The following NTN5 variants were observed in gnomAD, a reference collection of about 807,000 sequenced individuals.
NTN5 encodes the protein netrin 5.
NTN5 carries 42 observed loss-of-function variants against 38.7 expected under a neutral mutation model. That is an observed-to-expected ratio of 1.08 (90% CI 0.85 to 1.40). The LOEUF (loss-of-function observed/expected upper bound fraction) is 1.40. Ranked by LOEUF, NTN5 falls within the 40% of genes most tolerant of loss-of-function variation. NTN5 has a pLI of 0.00. For synonymous variants in NTN5, 329 were observed against 303.9 expected (o/e 1.08, Z -0.86); for missense variants, 658 against 716.5 (o/e 0.92, Z 0.93).
At chr19:48,670,239 G>C (rs2031918137) in intron 2 of NTN5, 117 bp downstream of exon 2, 2 of 1,103,522 alleles carry the variant, frequency 1.8e-6, no homozygotes, top group East Asian at 3.1e-5. Context: ...TGAGACTGGG[G>C]TGAGAGGCAA....
At chr19:48,664,108 T>C in intron 4 of NTN5, 35 bp downstream of exon 4, 1 of 1,577,850 alleles carries the variant, frequency 6.3e-7, no homozygotes, top group Non-Finnish European at 8.6e-7. Context: ...CTTCCCGCTC[T>C]ACTCAGGCTT....
Position 48,661,785 on chromosome 19 carries a change from T to C in NTN5, c.1362A>G (p.Pro454=). ...LILDRHGLAL[P]WRPRWARPLK... is the part of the protein sequence containing the mutation. ...GGGGCCGGGCCCAGCGCGGCCTCCA[T>C]GGCAGCGCGAGGCCGTGGCGGTCGA... The change falls in exon 7 of 7, where the codon CCA becomes CCG. Residue 454 remains proline (P), a synonymous_variant. Coordinates refer to ENST00000270235, the MANE Select transcript of NTN5 (RefSeq NM_145807.4). 1 of 1,405,876 alleles carries C rather than the reference T, an allele frequency of 7.1e-7. No homozygotes were observed. The highest frequency in any genetic ancestry group is 9.2e-7 in the Non-Finnish European group (1 of 1,089,584). The allele number at this position is 1,405,876 out of a possible 1,614,324, so 87.1% of individuals were successfully genotyped here.
At chr19:48,671,191 A>T (rs1465263030) in intron 1 of NTN5, among the ~76,000 whole-genome samples, 185 bp from the exon 2 acceptor site, 1 of 152,150 alleles carries the variant, frequency 6.6e-6, no homozygotes, top group East Asian at 1.9e-4. Context: ...AAGGGGAAAG[A>T]ACGCAGACAA....
chr19:48,671,329 G>T (rs1003962408), intron 1 of NTN5, among the ~76,000 whole-genome samples: 8 of 151,426 alleles, frequency 5.3e-5, no homozygotes, highest in Non-Finnish European at 8.8e-5. Context: ...GCCAGCAGAC[G>T]TGGAAACCTA....
rs1255437973 is a variant in NTN5, at chr19:48,661,700, G to C, written c.1447C>G (p.Pro483Ala). ...GTCTAGTGCTCCGGCCTGGGACTGG[G>C]TGTGGGTGCCCGCACGCCGCGGCAG... is the stretch of plus-strand genomic sequence containing the variant. ...GGCRGVRAPT[P>A]SPRPEH is the part of the protein sequence containing the mutation. The change falls in exon 7 of 7, where the codon CCC becomes GCC. Residue 483 changes from proline (P) to alanine (A), a missense_variant. Pro to Ala is a conservative substitution (Grantham distance 27). Transcript: ENST00000270235. The C allele has an allele frequency of 6.4e-7, 1 of 1,557,072 alleles. No homozygotes were observed. The highest frequency in any genetic ancestry group is 1.1e-5 in the South Asian group (1 of 87,326).
chr19:48,667,432 C>T (rs2031734449), intron 2 of NTN5: 1 of 399,496 alleles, frequency 2.5e-6, no homozygotes, highest in Admixed American at 2.8e-5. Flanking sequence ...CTGTCCAGGC[C>T]CAGGATGAAG....
rs184223343 is a variant in NTN5 at position 48,667,295 on chromosome 19, C to A, written c.632-2528G>T. The A allele has an allele frequency of 2.9e-4, 75 of 262,420 alleles. 1 individual carries two copies. Among genetic ancestry groups the A allele is most frequent in the Admixed American group, 2.5e-3 (57 of 22,938 alleles). 16.3% of individuals were successfully genotyped at this position (262,420 alleles called of 1,614,324 possible). A position where few individuals can be genotyped will look rare whatever the true frequency, so the allele number is the denominator to read the frequency against. ...ATAGCTCTGCCACAGGCATTAGTCT[C>A]ACCTGGCCACCCTGACCTTTCTCCA... On this transcript the variant is annotated intron_variant, in intron 2 of 6. Transcript: ENST00000270235.
intron 2 of NTN5, among the ~76,000 whole-genome samples, chr19:48,668,299 G>A (rs2031758973): frequency 6.6e-6 from 1 of 152,148 alleles, no homozygotes; most frequent in South Asian, 2.1e-4. Flanking sequence ...ACTTTGGCAG[G>A]TGCTCAGGAA....
At chr19:48,666,472 G>A (rs2031706303) in intron 2 of NTN5, among the ~76,000 whole-genome samples, 1 of 151,840 alleles carries the variant, frequency 6.6e-6, no homozygotes, top group South Asian at 2.1e-4. Context: ...GGAGTTGGAG[G>A]CTGCAGTGAG....
chr19:48,667,109 G>A (rs1415063144), intron 2 of NTN5, among the ~76,000 whole-genome samples: 1 of 152,132 alleles, frequency 6.6e-6, no homozygotes, highest in Non-Finnish European at 1.5e-5. Flanking sequence ...CTCTCCCAGG[G>A]TTTTTGTGGG....
At chr19:48,663,891 C>T in intron 4 of NTN5, 77 bp from the exon 5 acceptor site, 2 of 1,408,852 alleles carry the variant, frequency 1.4e-6, no homozygotes, top group Non-Finnish European at 2.0e-6. Context: ...GGAATCCAGG[C>T]ACCCAAACTC....
intron 1 of NTN5, among the ~76,000 whole-genome samples, chr19:48,671,944 A>G (rs1396202121): frequency 6.6e-6 from 1 of 151,992 alleles, no homozygotes; most frequent in Admixed American, 6.6e-5. Context: ...GGAGCGGGAC[A>G]GTGGGATCCC....
rs371501834 is a variant in NTN5, at chr19:48,664,700, G to A, written c.699C>T (p.Gly233=). Residue 233 remains glycine, a synonymous_variant, in exon 3 of 7, where the codon GGC becomes GGT. Transcript: ENST00000270235. ...FNSELFRLSG[G]RSGGVCERCR... is the part of the protein sequence containing the mutation. ...ACCGCTCACAAACACCCCCACTCCG[G>A]CCGCCCGACAGTCTGAACAGCTCAG... 995 of 1,605,232 alleles carry A rather than the reference G, an allele frequency of 6.2e-4. 1 individual carries two copies. Among genetic ancestry groups the A allele is most frequent in the Non-Finnish European group, 8.1e-4 (958 of 1,176,212 alleles).
At chr19:48,670,223 C>T (rs2031917755) in intron 2 of NTN5, 133 bp downstream of exon 2, 9 of 944,038 alleles carry the variant, frequency 9.5e-6, no homozygotes, top group Non-Finnish European at 1.2e-5. Flanking sequence ...ATGAGGGGAC[C>T]GAGTCTGAGA....
chr19:48,671,581 TG>T (rs1458831941), intron 1 of NTN5, among the ~76,000 whole-genome samples: 5 of 150,240 alleles, frequency 3.3e-5, no homozygotes, highest in Non-Finnish European at 7.4e-5. Flanking sequence ...TCGGACTGCC[TG>T]GGGGCTGGGA....
chr19:48,663,444 C>CT lies in NTN5; in HGVS notation c.1105+18dup. On this transcript the variant is annotated intron_variant, in intron 6 of 6. Coordinates refer to ENST00000270235, the MANE Select transcript of NTN5 (RefSeq NM_145807.4). ...AACCAGCTGTGTAGCCTTCAGCTGT[C>CT]TGTCTCCCCAGCACTCACCATGGTC... The CT allele has an allele frequency of 6.2e-7, 1 of 1,608,962 alleles. No homozygotes were observed. The highest frequency in any genetic ancestry group is 8.5e-7 in the Non-Finnish European group (1 of 1,175,334).
In NTN5 at chr19:48,661,548, C is replaced by T; in HGVS notation, c.*129G>A. On this transcript the variant is annotated 3_prime_UTR_variant, in exon 7 of 7. Coordinates refer to ENST00000270235, the MANE Select transcript of NTN5 (RefSeq NM_145807.4). ...TCCGCACGCCTGCTCGGCGTGGGCG[C>T]AAGCATAGTGTCGTCGGGGCTCTGC... is the stretch of plus-strand genomic sequence containing the variant. The T allele has an allele frequency of 1.7e-6, 2 of 1,153,048 alleles. No individual in the cohort carries two copies. Among genetic ancestry groups the T allele is most frequent in the Non-Finnish European group, 2.2e-6 (2 of 896,058 alleles). 71.4% of individuals were successfully genotyped at this position (1,153,048 alleles called of 1,614,324 possible). A position where few individuals can be genotyped will look rare whatever the true frequency, so the allele number is the denominator to read the frequency against.
chr19:48,672,778 C>G lies in NTN5; in HGVS notation c.-21+154G>C, dbSNP rs571761522. On this transcript the variant is annotated intron_variant, in intron 1 of 6. Coordinates refer to ENST00000270235, the MANE Select transcript of NTN5 (RefSeq NM_145807.4). ...AGTCGTGGCCCACAGAGAGCCCATA[C>G]CCCTCTTTAAGAAAGAGTCCAGCCA... 3.9e-4 allele frequency among the ~76,000 whole-genome samples: 60 copies of G among 152,248 alleles called. 2 individuals carry two copies. The highest frequency in any genetic ancestry group is 3.4e-3 in the Admixed American group (52 of 15,300).
chr19:48,669,975 T>TCACACCACCACCATCACCATCAC (rs1568452827), intron 2 of NTN5, among the ~76,000 whole-genome samples: 3 of 8,722 alleles, frequency 3.4e-4, no homozygotes, highest in Admixed American at 6.9e-4. Flanking sequence ...ACCACCATCA[T>TCACACCACCACCATCACCATCAC]CACCATCATC....
Sources: gnomAD v4.1 joint callset for allele counts (sites outside exome capture counted in the v4.1 genomes callset) on GRCh38, gnomAD v4.1.1 for gene constraint, MANE v1.5 for transcripts, NCBI Gene and HGNC (gene_info 2026-07-23, HGNC 2026-07-21) for gene names.